CLDN16: variants seen among roughly 807,000 people sequenced by gnomAD.
CLDN16 encodes claudin 16.
CLDN16 carries 13 observed loss-of-function variants against 24.6 expected under a neutral mutation model. That is an observed-to-expected ratio of 0.53 (90% CI 0.34 to 0.84). CLDN16 has a LOEUF of 0.84. Among genes scored for constraint, CLDN16 ranks in the 40% least tolerant of loss-of-function variants. The probability of loss-of-function intolerance (pLI) is 0.01; values close to 1 mark genes in which losing one functional copy is unlikely to be tolerated. For synonymous variants in CLDN16, 116 were observed against 106.7 expected, an observed-to-expected ratio of 1.09 and a Z score of -0.54; for missense variants, 298 against 292.7, an observed-to-expected ratio of 1.02 and a Z score of -0.13.
chr3:190,363,554 G>GTATATATA (rs1553805321), intron 1 of CLDN16, among the ~76,000 whole-genome samples: 78 of 81,290 alleles, frequency 9.6e-4, no homozygotes, highest in Admixed American at 2.6e-3. Context: ...GTGTGTGTGT[G>GTATATATA]TGTATATATA....
intron 2 of CLDN16, among the ~76,000 whole-genome samples, chr3:190,373,116 C>T (rs755192443): frequency 2.6e-4 from 39 of 151,920 alleles, no homozygotes; most frequent in Non-Finnish European, 4.7e-4. Flanking sequence ...TTTAGGAAAT[C>T]CAATTTAGTA....
chr3:190,338,839 G>A (rs60035439), intron 1 of CLDN16, among the ~76,000 whole-genome samples: 10,734 of 152,254 alleles, frequency 0.071, 566 homozygotes, highest in African/African-American at 0.14. Flanking sequence ...GTGAGTGGCA[G>A]ACTTGGAAGT....
chr3:190,334,276 A>G (rs79756027), intron 1 of CLDN16, among the ~76,000 whole-genome samples: 7,217 of 152,302 alleles, frequency 0.047, 226 homozygotes, highest in Admixed American at 0.059. Flanking sequence ...TACTCAGATT[A>G]GGGAGAGCAA....
chr3:190,379,440 T>C (rs1286443939), intron 3 of CLDN16, among the ~76,000 whole-genome samples: 2 of 152,254 alleles, frequency 1.3e-5, no homozygotes, highest in East Asian at 3.9e-4. Flanking sequence ...TGTTCACTGA[T>C]GAATTTCTGG....
At chr3:190,375,330 A>G (rs1396543055) in intron 3 of CLDN16, among the ~76,000 whole-genome samples, 1 of 151,980 alleles carries the variant, frequency 6.6e-6, no homozygotes, top group Admixed American at 6.6e-5. Flanking sequence ...ATTTTGCTTC[A>G]GCCTCTAGGC....
At chr3:190,296,630 G>A in the CLDN16 span, among the ~76,000 whole-genome samples, 71 of 149,986 alleles carry the variant, frequency 4.7e-4, no homozygotes, top group South Asian at 5.1e-3. Context: ...GCTCACTGCA[G>A]GCTCTGCCTC....
chr3:190,324,332 A>G (rs1482509879), intron 1 of CLDN16, among the ~76,000 whole-genome samples: 1 of 151,892 alleles, frequency 6.6e-6, no homozygotes, highest in African/African-American at 2.4e-5. Flanking sequence ...ACAATATGAA[A>G]ATTAGCCGGG....
At chr3:190,407,121 ACTAT>A (rs531127281) in intron 3 of CLDN16, among the ~76,000 whole-genome samples, 281 of 152,290 alleles carry the variant, frequency 1.8e-3, no homozygotes, top group African/African-American at 6.3e-3. Flanking sequence ...GATATCACAG[ACTAT>A]CTAGGGAAAA....
At chr3:190,374,408 A>T (rs781572425) in intron 2 of CLDN16, 1 of 151,786 alleles carries the variant, frequency 6.6e-6, no homozygotes, top group Admixed American at 6.6e-5. Flanking sequence ...GACCAGAAAA[A>T]GTTTACAAAG....
chr3:190,370,475 G>T (rs1381520215), intron 1 of CLDN16, among the ~76,000 whole-genome samples: 1 of 151,846 alleles, frequency 6.6e-6, no homozygotes, highest in East Asian at 1.9e-4. Context: ...ACTCATTACG[G>T]CTTGGTTGTA....
chr3:190,381,441 C>T (rs1355658278), intron 3 of CLDN16, among the ~76,000 whole-genome samples: 1 of 152,060 alleles, frequency 6.6e-6, no homozygotes, highest in Non-Finnish European at 1.5e-5. Context: ...CACAAGGTTA[C>T]CATCACCTGC....
intron 1 of CLDN16, among the ~76,000 whole-genome samples, chr3:190,348,419 A>G (rs187500189): frequency 5.0e-4 from 76 of 151,188 alleles, no homozygotes; most frequent in African/African-American, 1.7e-3. Flanking sequence ...ACCCACACTG[A>G]TTTTTGTTTC....
chr3:190,303,737 T>C, the CLDN16 span, among the ~76,000 whole-genome samples: 1 of 152,218 alleles, frequency 6.6e-6, no homozygotes, highest in African/African-American at 2.4e-5. Context: ...AGAAACCTGT[T>C]CTTTTAAACA....
chr3:190,363,179 T>C (rs1242808998), intron 1 of CLDN16, among the ~76,000 whole-genome samples: 1 of 151,896 alleles, frequency 6.6e-6, no homozygotes, highest in Non-Finnish European at 1.5e-5. Context: ...TATTGCCCTG[T>C]TTTCTAGGTC....
chr3:190,402,499 C>A, intron 2 of CLDN16, 60 bp downstream of exon 2: 1 of 1,305,596 alleles, frequency 7.7e-7, no homozygotes, highest in Non-Finnish European at 1.1e-6. Context: ...AAACTGAGTT[C>A]AGGTTTCCAT....
chr3:190,389,136 A>G (rs772313753), intron 1 of CLDN16, among the ~76,000 whole-genome samples: 17 of 152,182 alleles, frequency 1.1e-4, no homozygotes, highest in Middle Eastern at 6.3e-3. Context: ...TCGCTGGAGA[A>G]GCTCAGAAAG....
rs1399666822 is a variant in CLDN16 at position 190,407,579 on chromosome 3, G to T, written c.383-735G>T. The stretch of plus-strand genomic sequence containing the variant: ...TCTTATTGCATCTAGGCTTCAACAT[G>T]CAATTTATACCTTTAAAATAACAGG... On this transcript the variant is annotated intron_variant, in intron 3 of 4. Coordinates refer to ENST00000264734, the MANE Select transcript of CLDN16 (RefSeq NM_006580.4). Among the ~76,000 whole-genome samples, 3 of 152,076 alleles carry T rather than the reference G, an allele frequency of 2.0e-5. No individual in the cohort carries two copies. The East Asian group carries it at 5.8e-4, about 29-fold the overall frequency.
intron 1 of CLDN16, among the ~76,000 whole-genome samples, chr3:190,347,415 G>C (rs1347696541): frequency 6.6e-6 from 1 of 152,156 alleles, no homozygotes; most frequent in African/African-American, 2.4e-5. Context: ...TGCTGAGTTT[G>C]AAGTGCCCAA....
chr3:190,400,163 A>G (rs1439237293), intron 1 of CLDN16, among the ~76,000 whole-genome samples: 1 of 152,042 alleles, frequency 6.6e-6, no homozygotes, highest in East Asian at 1.9e-4. Context: ...ATCTCTTAAC[A>G]AATCTCTCCT....
Sources: allele counts gnomAD v4.1 joint callset (sites outside exome capture counted in the v4.1 genomes callset), GRCh38; gene constraint gnomAD v4.1.1; transcripts MANE v1.5; gene names NCBI Gene and HGNC (gene_info 2026-07-23, HGNC 2026-07-21).